The following ZC3H12B variants were observed in gnomAD, a reference collection of about 807,000 sequenced individuals.
ZC3H12B encodes the protein probable ribonuclease ZC3H12B.
In ZC3H12B, 7 loss-of-function variants were observed where a neutral mutation model predicts 43.9. The observed-to-expected ratio is 0.16, with a 90% CI of 0.09 to 0.30. The LOEUF (loss-of-function observed/expected upper bound fraction) is 0.30, where lower values mean the gene tolerates loss of function less well. Ranked by LOEUF, ZC3H12B falls within the 10% of genes least tolerant of loss-of-function variation. The probability of loss-of-function intolerance (pLI) is 1.00; values close to 1 mark genes in which losing one functional copy is unlikely to be tolerated. For missense variants in ZC3H12B, 475 were observed against 670.2 expected (o/e 0.71, Z 3.22); for synonymous variants, 222 against 241.7 (o/e 0.92, Z 0.76).
chrX:65,323,928 A>G, the ZC3H12B span, among the ~76,000 whole-genome samples: 1 of 111,998 alleles, frequency 8.9e-6, no homozygotes. Flanking sequence ...TTTGATTTGC[A>G]TTTCTCTAAT....
chrX:65,442,031 T>C (rs1013893441), intron 3 of ZC3H12B, among the ~76,000 whole-genome samples: 2 of 99,312 alleles, frequency 2.0e-5, no homozygotes, highest in Non-Finnish European at 1.9e-5. Context: ...CCCTATCTAG[T>C]GGCCTGACTC....
the ZC3H12B span, among the ~76,000 whole-genome samples, chrX:65,202,124 AATAT>A: frequency 2.3e-5 from 2 of 87,825 alleles, no homozygotes; most frequent in Middle Eastern, 5.1e-3. Context: ...TATTATATGT[AATAT>A]ATATATTTTA....
At chrX:65,246,701 A>G in the ZC3H12B span, among the ~76,000 whole-genome samples, 2 of 112,471 alleles carry the variant, frequency 1.8e-5, 1 homozygote, top group Admixed American at 1.9e-4. Context: ...CTGGCTAGCA[A>G]TATGCAGAAG....
the ZC3H12B span, among the ~76,000 whole-genome samples, chrX:65,101,324 C>T: frequency 9.0e-6 from 1 of 111,480 alleles, no homozygotes; most frequent in Non-Finnish European, 1.9e-5. Flanking sequence ...CCTAACATCA[C>T]ATTAAAATAA....
At chrX:65,350,530 T>A in the ZC3H12B span, among the ~76,000 whole-genome samples, 1 of 111,708 alleles carries the variant, frequency 9.0e-6, no homozygotes, top group Non-Finnish European at 1.9e-5. Context: ...AGAGAGGAAG[T>A]CAAATTGTCT....
chrX:65,357,998 A>G, the ZC3H12B span, among the ~76,000 whole-genome samples: 2 of 103,901 alleles, frequency 1.9e-5, no homozygotes, highest in East Asian at 2.8e-4. Context: ...ATGGATGAAT[A>G]TTAACAAAGC....
chrX:65,275,380 G>T, the ZC3H12B span, among the ~76,000 whole-genome samples: 1 of 112,946 alleles, frequency 8.9e-6, no homozygotes, highest in Non-Finnish European at 1.9e-5. Context: ...ATGTCTCTAG[G>T]TAGGTCAAGC....
chrX:65,305,156 A>G, the ZC3H12B span, among the ~76,000 whole-genome samples: 3 of 111,840 alleles, frequency 2.7e-5, no homozygotes, highest in Non-Finnish European at 5.6e-5. Flanking sequence ...ATTATACTTT[A>G]AGTTCTGGAA....
the ZC3H12B span, among the ~76,000 whole-genome samples, chrX:65,151,413 A>G: frequency 8.9e-6 from 1 of 112,144 alleles, no homozygotes; most frequent in Non-Finnish European, 1.9e-5. Context: ...GACATGTAGG[A>G]TATGTTCATC....
At chrX:65,131,180 A>G in the ZC3H12B span, among the ~76,000 whole-genome samples, 1 of 111,821 alleles carries the variant, frequency 8.9e-6, no homozygotes, top group Non-Finnish European at 1.9e-5. Context: ...GGAGTGGGGC[A>G]GAGTGGTAGC....
At chrX:65,335,680 C>A in the ZC3H12B span, among the ~76,000 whole-genome samples, 3 of 111,751 alleles carry the variant, frequency 2.7e-5, no homozygotes, top group Non-Finnish European at 3.8e-5. Flanking sequence ...AATGGCAAAG[C>A]CTTAACTGCC....
chrX:65,252,339 A>T, the ZC3H12B span, among the ~76,000 whole-genome samples: 1 of 111,639 alleles, frequency 9.0e-6, no homozygotes, highest in East Asian at 2.8e-4. Context: ...TTGGTTTGCC[A>T]GTATTTTATT....
the ZC3H12B span, chrX:65,185,973 T>G: frequency 9.0e-6 from 1 of 111,582 alleles, no homozygotes; most frequent in Non-Finnish European, 1.9e-5. Flanking sequence ...CAAGTGCACC[T>G]AAACAAATTA....
At chrX:65,452,579 G>A (rs1417929372) in intron 3 of ZC3H12B, among the ~76,000 whole-genome samples, 1 of 111,731 alleles carries the variant, frequency 9.0e-6, no homozygotes, top group Non-Finnish European at 1.9e-5. Context: ...GGTGGCTCAC[G>A]CCTGTAATCC....
At chrX:65,307,833 C>G in the ZC3H12B span, among the ~76,000 whole-genome samples, 1 of 111,555 alleles carries the variant, frequency 9.0e-6, no homozygotes, top group South Asian at 3.7e-4. Context: ...AAAGTTGTCA[C>G]CAGAAAGAAA....
the ZC3H12B span, among the ~76,000 whole-genome samples, chrX:65,157,361 A>T: frequency 8.9e-6 from 1 of 112,260 alleles, no homozygotes; most frequent in Admixed American, 9.5e-5. Context: ...AGCCTTCCTT[A>T]CTTTCTAATA....
the ZC3H12B span, among the ~76,000 whole-genome samples, chrX:65,291,459 C>T: frequency 8.9e-6 from 1 of 111,980 alleles, no homozygotes; most frequent in Non-Finnish European, 1.9e-5. Flanking sequence ...GAATATTATT[C>T]AGTCTTCAAA....
At chrX:65,100,816 C>T in the ZC3H12B span, among the ~76,000 whole-genome samples, 1 of 110,181 alleles carries the variant, frequency 9.1e-6, no homozygotes, top group African/African-American at 3.3e-5. Flanking sequence ...ACTATAACAC[C>T]CCACTGTCAA....
the ZC3H12B span, among the ~76,000 whole-genome samples, chrX:65,190,707 A>C: frequency 1.1e-4 from 12 of 109,595 alleles, no homozygotes; most frequent in Non-Finnish European, 1.7e-4. Context: ...GGCTGAGACA[A>C]TGGGGTTTTC....
Sources: gnomAD v4.1 joint callset for allele counts (sites outside exome capture counted in the v4.1 genomes callset) on GRCh38, gnomAD v4.1.1 for gene constraint, MANE v1.5 for transcripts, NCBI Gene and HGNC (gene_info 2026-07-23, HGNC 2026-07-21) for gene names.